The following FUT1 variants were observed in gnomAD, a reference collection of about 807,000 sequenced individuals.
FUT1 encodes the protein fucosyltransferase 1 (H blood group).
For missense variants in FUT1, 476 were observed against 492.7 expected, an observed-to-expected ratio of 0.97 and a Z score of 0.32; for synonymous variants, 215 against 208.7, an observed-to-expected ratio of 1.03 and a Z score of -0.26.
Position 48,750,979 on chromosome 19 carries a change from A to C in FUT1, c.303T>G (p.Ala101=). Residue 101 remains alanine, a synonymous_variant, in exon 2 of 2, where the codon GCT becomes GCG. Transcript: ENST00000645652. The part of the protein sequence containing the change: ...NQMGQYATLL[A]LAQLNGRRAF... ...CCCGGCGGCCGTTGAGCTGGGCCAG[A>C]GCCAGCAGCGTGGCATACTGTCCCA... 6.3e-7 allele frequency: 1 copy of C among 1,599,046 alleles called. No individual in the cohort carries two copies. The highest frequency in any genetic ancestry group is 8.5e-7 in the Non-Finnish European group (1 of 1,171,398).
rs2033969585 is a variant in FUT1 at position 48,750,088 on chromosome 19, G to A, written c.*96C>T. 3 of 1,471,086 alleles carry A rather than the reference G, an allele frequency of 2.0e-6. No homozygotes were observed. Among genetic ancestry groups the A allele is most frequent in the South Asian group, 1.2e-5 (1 of 82,276 alleles). The allele number at this position is 1,471,086 out of a possible 1,614,324, so 91.1% of individuals were successfully genotyped here. On this transcript the variant is annotated 3_prime_UTR_variant, in exon 2 of 2. Coordinates refer to ENST00000645652, the MANE Select transcript of FUT1 (RefSeq NM_001384359.1). ...GGATACGGGCACCCATTTGCTTCAG[G>A]AACACCACAAGCTTCTCCAGAAGAT...
Position 48,751,032 on chromosome 19 carries a change from A to G in FUT1, c.250T>C (p.Tyr84His). Residue 84 changes from tyrosine (Y) to histidine (H), a missense_variant, in exon 2 of 2, where the codon TAC becomes CAC. Coordinates refer to ENST00000645652, the MANE Select transcript of FUT1 (RefSeq NM_001384359.1). ...TGATTACCAAACCGGCCATTGGGGT[A>G]GACAGTCCAGGTGCCGGAGAGGGAA... is the stretch of plus-strand genomic sequence containing the variant. ...PASLSGTWTV[Y>H]PNGRFGNQMG... is the part of the protein sequence containing the mutation. 6.3e-7 allele frequency: 1 copy of G among 1,595,124 alleles called. No individual in the cohort carries two copies. Among genetic ancestry groups the G allele is most frequent in the Non-Finnish European group, 8.6e-7 (1 of 1,169,054 alleles).
chr19:48,751,943 C>A (rs1166780004), intron 1 of FUT1, among the ~76,000 whole-genome samples: 2 of 148,402 alleles, frequency 1.3e-5, no homozygotes, highest in African/African-American at 5.2e-5. Flanking sequence ...AAGAGTGAAA[C>A]TCCGTCTCCA....
In FUT1 at chr19:48,750,335, T is replaced by C. The variant is rs1401462804; in HGVS notation, c.947A>G (p.Tyr316Cys). The C allele has an allele frequency of 3.1e-6, 5 of 1,614,160 alleles. No homozygotes were observed. Among genetic ancestry groups the C allele is most frequent in the Non-Finnish European group, 4.2e-6 (5 of 1,180,030 alleles). The change falls in exon 2 of 2, where the codon TAC becomes TGC. Residue 316 changes from tyrosine to cysteine, a missense_variant. Transcript: ENST00000645652. ...TIGTFGFWAA[Y>C]LAGGDTVYLA... ...GTAGACAGTGTCTCCGCCAGCCAGG[T>C]AGGCAGCCCAGAAGCCGAAGGTGCC... is the stretch of plus-strand genomic sequence containing the variant.
Position 48,750,888 on chromosome 19 carries a change from C to T in FUT1, c.394G>A (p.Ala132Thr). ...GGCGTGCGGCTGTCCACTTCTGGGG[C>T]CAGCACGGGCAGGGTGATGCGGAAT... ...PVFRITLPVL[A>T]PEVDSRTPWR... Residue 132 changes from alanine to threonine, a missense_variant, in exon 2 of 2, where the codon GCC (alanine) becomes ACC (threonine). Physicochemically the swap from Ala to Thr is moderately conservative, Grantham distance 58. Coordinates refer to ENST00000645652, the MANE Select transcript of FUT1 (RefSeq NM_001384359.1). 1 of 1,613,710 alleles carries T rather than the reference C, an allele frequency of 6.2e-7. No homozygotes were observed. The highest frequency in any genetic ancestry group is 1.3e-5 in the African/African-American group (1 of 75,066).
chr19:48,754,808 C>T (rs1337586781), upstream of FUT1, among the ~76,000 whole-genome samples: 2 of 152,164 alleles, frequency 1.3e-5, no homozygotes, highest in African/African-American at 4.8e-5. Flanking sequence ...ATTCAAGATA[C>T]ATCAATGTCA....
At chr19:48,754,337 G>A (rs879932830), upstream of FUT1, among the ~76,000 whole-genome samples, 2 of 152,188 alleles carry the variant, frequency 1.3e-5, no homozygotes, top group Non-Finnish European at 2.9e-5. Flanking sequence ...GGCAGGCCTA[G>A]ATAATACCCA....
At position 48,750,106 on chromosome 19, in the gene FUT1, C is replaced by T; in HGVS notation, c.*78G>A. 1 of 1,536,624 alleles carries T rather than the reference C, an allele frequency of 6.5e-7. No homozygotes were observed. The highest frequency in any genetic ancestry group is 8.8e-7 in the Non-Finnish European group (1 of 1,138,066). On this transcript the variant is annotated 3_prime_UTR_variant, in exon 2 of 2. Transcript: ENST00000645652. ...GCTTCAGGAACACCACAAGCTTCTC[C>T]AGAAGATGCCAGGCCTCTGAAGCCA...
In FUT1 at chr19:48,752,550, G is replaced by T; in HGVS notation, c.-63C>A. 3.0e-6 allele frequency: 3 copies of T among 985,462 alleles called. No homozygotes were observed. The highest frequency in any genetic ancestry group is 3.6e-6 in the Non-Finnish European group (3 of 829,954). 61.0% of individuals were successfully genotyped at this position (985,462 alleles called of 1,614,324 possible). A position where few individuals can be genotyped will look rare whatever the true frequency, so the allele number is the denominator to read the frequency against. On this transcript the variant is annotated 5_prime_UTR_variant, in exon 1 of 2. Coordinates refer to ENST00000645652, the MANE Select transcript of FUT1 (RefSeq NM_001384359.1). The surrounding 1 kb of genome is among the most constrained non-coding windows in gnomAD (Gnocchi z 4.3). ...TTTTCGTGGCCGGAGCGCACCCTCCGCAAAGGCAGGCCACATCCGGCCGCC... is the reference window on the plus strand; with the variant it reads ...TTTTCGTGGCCGGAGCGCACCCTCCTCAAAGGCAGGCCACATCCGGCCGCC...
Position 48,750,814 on chromosome 19 carries a change from G to A in FUT1, c.468C>T (p.Asp156=). ...AGAGCTTCAGGAAAGGATCTCTCAA[G>A]TCCGCGTACTCCTCCGACATCCAGT... ...LHDWMSEEYA[D]LRDPFLKLSG... is the part of the protein sequence containing the mutation. The change falls in exon 2 of 2, where the codon GAC becomes GAT. Residue 156 remains aspartate (D), a synonymous_variant. Transcript: ENST00000645652. 2.5e-6 allele frequency: 4 copies of A among 1,613,954 alleles called. No individual in the cohort carries two copies. Among genetic ancestry groups the A allele is most frequent in the Non-Finnish European group, 3.4e-6 (4 of 1,179,998 alleles).
chr19:48,748,405 A>G lies in FUT1; in HGVS notation c.*1779T>C, dbSNP rs1568489496. 6.6e-6 allele frequency: 1 copy of G among 152,380 alleles called. No individual in the cohort carries two copies. The highest frequency in any genetic ancestry group is 1.5e-5 in the Non-Finnish European group (1 of 68,074). The allele number at this position is 152,380 out of a possible 1,614,324, so 9.4% of individuals were successfully genotyped here. On this transcript the variant is annotated 3_prime_UTR_variant, in exon 2 of 2. Coordinates refer to ENST00000645652, the MANE Select transcript of FUT1 (RefSeq NM_001384359.1). ...CGGTACCTGCCAGTTTGTCACAAGC[A>G]CAGAGGGTGTGTTTATACCTGCACA...
At chr19:48,751,377 G>A in intron 1 of FUT1, 94 bp from the exon 2 acceptor site, 1 of 1,267,398 alleles carries the variant, frequency 7.9e-7, no homozygotes, top group Non-Finnish European at 1.1e-6. Context: ...CTGGGGTGCA[G>A]CACTCCTTAG....
rs554227211 is a variant in FUT1 at position 48,749,223 on chromosome 19, A to T, written c.*961T>A. 2 of 152,010 alleles carry T rather than the reference A, an allele frequency of 1.3e-5. No individual in the cohort carries two copies. Among genetic ancestry groups the T allele is most frequent in the Non-Finnish European group, 2.9e-5 (2 of 68,038 alleles). 9.4% of individuals were successfully genotyped at this position (152,010 alleles called of 1,614,324 possible). A position where few individuals can be genotyped will look rare whatever the true frequency, so the allele number is the denominator to read the frequency against. Reference sequence around the variant, plus strand: ...GCAGAATGGCATGAACCCGGGAGGCAGAGCTTGCAGTGAGCTGAGATCGCG... The same window carrying T: ...GCAGAATGGCATGAACCCGGGAGGCTGAGCTTGCAGTGAGCTGAGATCGCG... On this transcript the variant is annotated 3_prime_UTR_variant, in exon 2 of 2. Coordinates refer to ENST00000645652, the MANE Select transcript of FUT1 (RefSeq NM_001384359.1).
Position 48,750,387 on chromosome 19 carries a change from G to T in FUT1, c.895C>A (p.Gln299Lys). 1 of 1,614,244 alleles carries T rather than the reference G, an allele frequency of 6.2e-7. No homozygotes were observed. The highest frequency in any genetic ancestry group is 1.1e-5 in the South Asian group (1 of 91,088). Residue 299 changes from glutamine to lysine, a missense_variant, in exon 2 of 2, where the codon CAG (glutamine) becomes AAG (lysine). Gln to Lys is a moderately conservative substitution (Grantham distance 53). Coordinates refer to ENST00000645652, the MANE Select transcript of FUT1 (RefSeq NM_001384359.1). ...ATGGTCATAATGGTGTGGTTGCACTGTGTGAGCAGGGCAAAGTCTTTCCAC... is the reference window on the plus strand; with the variant it reads ...ATGGTCATAATGGTGTGGTTGCACTTTGTGAGCAGGGCAAAGTCTTTCCAC... ...TPWKDFALLT[Q>K]CNHTIMTIGT...
chr19:48,753,944 G>A (rs2034045609), upstream of FUT1, among the ~76,000 whole-genome samples: 1 of 152,170 alleles, frequency 6.6e-6, no homozygotes, highest in Non-Finnish European at 1.5e-5. Context: ...CAGCACTTTG[G>A]GAGGCTGAGG....
Position 48,750,895 on chromosome 19 carries a change from G to A in FUT1, c.387C>T (p.Pro129=), listed in dbSNP as rs561905996. The change falls in exon 2 of 2, where the codon CCC becomes CCT. Residue 129 remains proline (P), a synonymous_variant. Transcript: ENST00000645652. Reference sequence around the variant, plus strand: ...GGCTGTCCACTTCTGGGGCCAGCACGGGCAGGGTGATGCGGAATACCGGGG... The same window carrying A: ...GGCTGTCCACTTCTGGGGCCAGCACAGGCAGGGTGATGCGGAATACCGGGG... ...ALAPVFRITL[P]VLAPEVDSRT... is the part of the protein sequence containing the mutation. 7.4e-6 allele frequency: 12 copies of A among 1,613,464 alleles called. No individual in the cohort carries two copies. Among genetic ancestry groups the A allele is most frequent in the Admixed American group, 6.7e-5 (4 of 60,010 alleles).
chr19:48,749,344 A>C lies in FUT1; in HGVS notation c.*840T>G, dbSNP rs1310599630. On this transcript the variant is annotated 3_prime_UTR_variant, in exon 2 of 2. Transcript: ENST00000645652. Reference sequence around the variant, plus strand: ...AAAAAAAAATATCCGGGCTGGGCACAGTGGCTCATGCCAGTAATCCCAGCA... The same window carrying C: ...AAAAAAAAATATCCGGGCTGGGCACCGTGGCTCATGCCAGTAATCCCAGCA... 1 of 146,496 alleles carries C rather than the reference A, an allele frequency of 6.8e-6. No homozygotes were observed. Among genetic ancestry groups the C allele is most frequent in the Non-Finnish European group, 1.5e-5 (1 of 66,542 alleles). 9.1% of individuals were successfully genotyped at this position (146,496 alleles called of 1,614,324 possible). A position where few individuals can be genotyped will look rare whatever the true frequency, so the allele number is the denominator to read the frequency against.
At chr19:48,755,218 C>CCAG, upstream of FUT1, 1 of 116,394 alleles carries the variant, frequency 8.6e-6, no homozygotes, top group East Asian at 4.2e-4. Flanking sequence ...GAGTCCAGGC[C>CCAG]CCCCACCCCT....
At position 48,751,256 on chromosome 19, in the gene FUT1, AGCTGACGATGGCTCC is replaced by A; in HGVS notation, c.11_25del (p.Arg4_Gln8del). ...ACAGACTAGCAGGAAGGCCAGGCAG[AGCTGACGATGGCTCC>A]GGAGCCACATGGCTGCAGGGGAGGA... is the stretch of plus-strand genomic sequence containing the variant. On this transcript the variant is annotated inframe_deletion, in exon 2 of 2. Coordinates refer to ENST00000645652, the MANE Select transcript of FUT1 (RefSeq NM_001384359.1). 1 of 1,613,814 alleles carries A rather than the reference AGCTGACGATGGCTCC, an allele frequency of 6.2e-7. No individual in the cohort carries two copies. Among genetic ancestry groups the A allele is most frequent in the African/African-American group, 1.3e-5 (1 of 75,052 alleles).
Sources: gnomAD v4.1 joint callset for allele counts (sites outside exome capture counted in the v4.1 genomes callset) on GRCh38, gnomAD v4.1.1 for gene constraint, Gnocchi (gnomAD v3.1) non-coding constraint, MANE v1.5 for transcripts, NCBI Gene and HGNC (gene_info 2026-07-23, HGNC 2026-07-21) for gene names.